NRAS: variants seen among roughly 807,000 people sequenced by gnomAD.
The protein encoded by NRAS is NRAS proto-oncogene, GTPase, also known as GTPase NRas.
In NRAS, 6 loss-of-function variants were observed where a neutral mutation model predicts 21.3. That is an observed-to-expected ratio of 0.28 (90% CI 0.15 to 0.56). The LOEUF (loss-of-function observed/expected upper bound fraction) is 0.56, where lower values mean the gene tolerates loss of function less well. NRAS is among the 20% of genes least tolerant of loss of function. The pLI is 0.93. For synonymous variants in NRAS, 84 were observed against 82.0 expected, an observed-to-expected ratio of 1.02 and a Z score of -0.13; for missense variants, 143 against 231.3, an observed-to-expected ratio of 0.62 and a Z score of 2.48.
At chr1:114,716,300 A>G in intron 1 of NRAS, 123 bp from the exon 2 acceptor site, 2 of 725,738 alleles carry the variant, frequency 2.8e-6, no homozygotes, top group South Asian at 2.9e-5. Flanking sequence ...AAGTGACTAG[A>G]GAACGCAAAA....
At position 114,713,489 on chromosome 1, in the gene NRAS, A is replaced by G. The variant is rs1336568763; in HGVS notation, c.290+311T>C. ...TATCTTTTCCATTACATACTGAAAG[A>G]TGTTTCTTGGAGATGTTTTCCTCTC... On this transcript the variant is annotated intron_variant, in intron 3 of 6. Coordinates refer to ENST00000369535, the MANE Select transcript of NRAS (RefSeq NM_002524.5). Among the ~76,000 whole-genome samples, 4 of 152,218 alleles carry G rather than the reference A, an allele frequency of 2.6e-5. No homozygotes were observed. The East Asian group carries it at 7.7e-4, about 29-fold the overall frequency.
At chr1:114,712,867 T>TAGGTTTC (rs1356778963) in intron 3 of NRAS, among the ~76,000 whole-genome samples, 4 of 152,216 alleles carry the variant, frequency 2.6e-5, no homozygotes, top group African/African-American at 2.4e-5. Context: ...TAAACAGAGC[T>TAGGTTTC]AGGTTTCAAT....
At chr1:114,709,884 G>T (rs906126063) in intron 3 of NRAS, among the ~76,000 whole-genome samples, 156 bp from the exon 4 acceptor site, 1 of 151,264 alleles carries the variant, frequency 6.6e-6, no homozygotes, top group Admixed American at 6.6e-5. Flanking sequence ...GGCAAAACCC[G>T]GTCTCTACAA....
chr1:114,714,937 C>T (rs1023728391), intron 2 of NRAS, among the ~76,000 whole-genome samples: 1 of 152,150 alleles, frequency 6.6e-6, no homozygotes, highest in South Asian at 2.1e-4. Flanking sequence ...CACGAGTAGC[C>T]AGATGGTAGG....
intron 1 of NRAS, among the ~76,000 whole-genome samples, chr1:114,716,387 C>T (rs1447553366): frequency 1.3e-5 from 2 of 152,134 alleles, no homozygotes; most frequent in African/African-American, 4.8e-5. Flanking sequence ...TTTCAACAGT[C>T]CTTGGGCCCC....
At chr1:114,715,468 C>T (rs1047158901) in intron 2 of NRAS, among the ~76,000 whole-genome samples, 2 of 152,044 alleles carry the variant, frequency 1.3e-5, no homozygotes, top group African/African-American at 4.8e-5. Flanking sequence ...TTTAACTTTC[C>T]ATAACATCCC....
chr1:114,711,623 CAA>C (rs919172307), intron 3 of NRAS, among the ~76,000 whole-genome samples: 1 of 141,486 alleles, frequency 7.1e-6, no homozygotes, highest in African/African-American at 2.7e-5. Context: ...AAAAAACAAA[CAA>C]ACAAAAAAAA....
intron 2 of NRAS, among the ~76,000 whole-genome samples, chr1:114,715,728 T>C (rs772548625): frequency 6.6e-6 from 1 of 152,180 alleles, no homozygotes; most frequent in Non-Finnish European, 1.5e-5. Flanking sequence ...TTATCTCCCA[T>C]ACAATCAGAC....
In NRAS at chr1:114,708,134, C is replaced by T. The variant is rs180892917; in HGVS notation, c.*43+20G>A. The T allele has an allele frequency of 1.4e-3, 278 of 205,588 alleles. 1 individual carries two copies. Among genetic ancestry groups the T allele is most frequent in the Non-Finnish European group, 6.6e-4 (66 of 100,320 alleles). The allele number at this position is 205,588 out of a possible 1,614,324, so 12.7% of individuals were successfully genotyped here. A position where few individuals can be genotyped will look rare whatever the true frequency, so the allele number is the denominator to read the frequency against. The stretch of plus-strand genomic sequence containing the variant: ...TACAAAATTAACAGGAATGAGAATA[C>T]ATTTCCAAACTTGTCCTACCTTGAA... On this transcript the variant is annotated intron_variant, in intron 6 of 6. Transcript: ENST00000369535.
chr1:114,709,018 T>C (rs1239345244), intron 4 of NRAS, among the ~76,000 whole-genome samples: 1 of 152,264 alleles, frequency 6.6e-6, no homozygotes, highest in African/African-American at 2.4e-5. Context: ...ATAAATATTT[T>C]TAGTCAAGGA....
chr1:114,708,587 C>T lies in NRAS; in HGVS notation c.518G>A (p.Ser173Asn). 1 of 1,612,700 alleles carries T rather than the reference C, an allele frequency of 6.2e-7. No individual in the cohort carries two copies. The highest frequency in any genetic ancestry group is 1.7e-5 in the Admixed American group (1 of 60,024). Reference sequence around the variant, plus strand: ...ACAACCCTGAGTCCCATCATCACTGCTGTTGAGTTTTTTCATTCGGTACTG... The same window carrying T: ...ACAACCCTGAGTCCCATCATCACTGTTGTTGAGTTTTTTCATTCGGTACTG... The part of the protein sequence containing the change: ...IRQYRMKKLN[S>N]SDDGTQGCMG... Residue 173 changes from serine to asparagine, a missense_variant, in exon 5 of 7, where the codon AGC becomes AAC. Ser to Asn is a conservative substitution (Grantham distance 46). Transcript: ENST00000369535.
At chr1:114,716,255 T>G (rs1659163318) in intron 1 of NRAS, 78 bp from the exon 2 acceptor site, 1 of 879,856 alleles carries the variant, frequency 1.1e-6, no homozygotes, top group African/African-American at 1.6e-5. Flanking sequence ...TCAATGGAAA[T>G]GAAAACCCTA....
At chr1:114,715,150 C>T (rs1187915741) in intron 2 of NRAS, among the ~76,000 whole-genome samples, 1 of 152,194 alleles carries the variant, frequency 6.6e-6, no homozygotes, top group Non-Finnish European at 1.5e-5. Flanking sequence ...CCTCAGCCTC[C>T]TGAGTAGCTG....
At position 114,713,980 on chromosome 1, in the gene NRAS, TG is replaced by T. The variant is rs1064794197; in HGVS notation, c.112-3del. 2.8e-6 allele frequency: 3 copies of T among 1,058,412 alleles called. No homozygotes were observed. The highest frequency in any genetic ancestry group is 4.1e-6 in the Non-Finnish European group (3 of 730,470). 65.6% of individuals were successfully genotyped at this position (1,058,412 alleles called of 1,614,324 possible). A position where few individuals can be genotyped will look rare whatever the true frequency, so the allele number is the denominator to read the frequency against. On this transcript the variant is annotated splice_region_variant and splice_polypyrimidine_tract_variant and intron_variant, in intron 2 of 6. Transcript: ENST00000369535. ...AACCACTTGTTTTCTGTAAGAATCCTGGGGGTGTGGAGGGTAAGGGGGCAGG... is the reference window on the plus strand; with the variant it reads ...AACCACTTGTTTTCTGTAAGAATCCTGGGGTGTGGAGGGTAAGGGGGCAGG...
chr1:114,707,359 C>G lies in NRAS; in HGVS notation c.*735G>C, dbSNP rs1455429711. Reference sequence around the variant, plus strand: ...AATGGTAGATAAGTCACAGACGTATCTCAGACATTCATTTCATGCATAAGG... The same window carrying G: ...AATGGTAGATAAGTCACAGACGTATGTCAGACATTCATTTCATGCATAAGG... On this transcript the variant is annotated 3_prime_UTR_variant, in exon 7 of 7. Transcript: ENST00000369535. The G allele has an allele frequency of 6.6e-6, 1 of 152,596 alleles. No homozygotes were observed. Among genetic ancestry groups the G allele is most frequent in the Non-Finnish European group, 1.5e-5 (1 of 68,028 alleles). The allele number at this position is 152,596 out of a possible 1,614,324, so 9.5% of individuals were successfully genotyped here. A position where few individuals can be genotyped will look rare whatever the true frequency, so the allele number is the denominator to read the frequency against.
In NRAS at chr1:114,713,990, G is replaced by A. The variant is rs2101742232; in HGVS notation, c.112-12C>T. ...TTTCTGTAAGAATCCTGGGGGTGTGGAGGGTAAGGGGGCAGGGAGGGAGGG... is the reference window on the plus strand; with the variant it reads ...TTTCTGTAAGAATCCTGGGGGTGTGAAGGGTAAGGGGGCAGGGAGGGAGGG... On this transcript the variant is annotated splice_polypyrimidine_tract_variant and intron_variant, in intron 2 of 6. Coordinates refer to ENST00000369535, the MANE Select transcript of NRAS (RefSeq NM_002524.5). 1 of 1,383,010 alleles carries A rather than the reference G, an allele frequency of 7.2e-7. No homozygotes were observed. Among genetic ancestry groups the A allele is most frequent in the Non-Finnish European group, 1.0e-6 (1 of 996,018 alleles). The allele number at this position is 1,383,010 out of a possible 1,614,324, so 85.7% of individuals were successfully genotyped here. A position where few individuals can be genotyped will look rare whatever the true frequency, so the allele number is the denominator to read the frequency against.
intron 3 of NRAS, 114 bp from the exon 4 acceptor site, chr1:114,709,842 A>G (rs1659000808): frequency 1.2e-6 from 1 of 820,098 alleles, no homozygotes; most frequent in African/African-American, 1.7e-5. Context: ...GACTGCTTGA[A>G]CCCAGGAGTT....
Position 114,704,736 on chromosome 1 carries a change from G to C in NRAS, c.*3358C>G, listed in dbSNP as rs990930501. 3.3e-5 allele frequency: 5 copies of C among 152,196 alleles called. No individual in the cohort carries two copies. Among genetic ancestry groups the C allele is most frequent in the African/African-American group, 9.7e-5 (4 of 41,448 alleles). 9.4% of individuals were successfully genotyped at this position (152,196 alleles called of 1,614,324 possible). A position where few individuals can be genotyped will look rare whatever the true frequency, so the allele number is the denominator to read the frequency against. On this transcript the variant is annotated 3_prime_UTR_variant, in exon 7 of 7. Coordinates refer to ENST00000369535, the MANE Select transcript of NRAS (RefSeq NM_002524.5). ...GACATCCTCCCCTCCCTCCAGAGCA[G>C]AGTTCATACAATTCCATCTTAGGTC...
chr1:114,710,290 TAA>T lies in NRAS; in HGVS notation c.291-564_291-563del, dbSNP rs1221155010. 4.4e-3 allele frequency among the ~76,000 whole-genome samples: 96 copies of T among 21,596 alleles called. 2 individuals carry two copies. In the East Asian group the frequency reaches 0.4, roughly 89 times the overall value. The allele number at this position is 21,596 out of a possible 152,430, so 14.2% of individuals were successfully genotyped here. On this transcript the variant is annotated intron_variant, in intron 3 of 6. Coordinates refer to ENST00000369535, the MANE Select transcript of NRAS (RefSeq NM_002524.5). ...ATATTTATATATAATTTATAATATA[TAA>T]ATATATATAATTTACACATATAAAT...
Sources: allele counts gnomAD v4.1 joint callset (sites outside exome capture counted in the v4.1 genomes callset), GRCh38; gene constraint gnomAD v4.1.1; transcripts MANE v1.5; gene names NCBI Gene and HGNC (gene_info 2026-07-23, HGNC 2026-07-21).